Variants in FSTL5 observed in about 807,000 individuals in gnomAD.
The protein encoded by FSTL5 is follistatin like 5, also known as follistatin-related protein 5.
Under a neutral mutation model 89.1 loss-of-function variants are expected in FSTL5, and 62 were observed. That is an observed-to-expected ratio of 0.70 (90% CI 0.57 to 0.86). The LOEUF (loss-of-function observed/expected upper bound fraction) is 0.86, where lower values mean the gene tolerates loss of function less well. Among genes scored for constraint, FSTL5 ranks in the 40% least tolerant of loss-of-function variants. FSTL5 has a pLI of 0.00. For missense variants in FSTL5, 1,057 were observed against 1,001.6 expected, an observed-to-expected ratio of 1.06 and a Z score of -0.75; for synonymous variants, 383 against 346.2, an observed-to-expected ratio of 1.11 and a Z score of -1.18.
intron 3 of FSTL5, among the ~76,000 whole-genome samples, chr4:161,968,806 TGGTC>T (rs1735397041): frequency 6.6e-6 from 1 of 152,076 alleles, no homozygotes; most frequent in Non-Finnish European, 1.5e-5. Flanking sequence ...GAGCCAAATA[TGGTC>T]ACTTTAGCCT....
At chr4:161,649,208 A>G (rs951267236) in intron 7 of FSTL5, among the ~76,000 whole-genome samples, 1 of 152,176 alleles carries the variant, frequency 6.6e-6, no homozygotes, top group African/African-American at 2.4e-5. Flanking sequence ...ATAATTCAAG[A>G]TCTTGTAATT....
chr4:161,663,527 T>G (rs538263236), intron 6 of FSTL5, among the ~76,000 whole-genome samples: 1 of 152,256 alleles, frequency 6.6e-6, no homozygotes, highest in African/African-American at 2.4e-5. Context: ...CCAGGTTATC[T>G]GATGCAAGAA....
chr4:162,156,689 T>C (rs1258116925), intron 1 of FSTL5, among the ~76,000 whole-genome samples: 1 of 152,090 alleles, frequency 6.6e-6, no homozygotes, highest in Non-Finnish European at 1.5e-5. Context: ...GGGAGCTAAA[T>C]ATTGTATATA....
At chr4:162,115,270 G>C (rs1731591544) in intron 1 of FSTL5, among the ~76,000 whole-genome samples, 1 of 152,052 alleles carries the variant, frequency 6.6e-6, no homozygotes, top group Non-Finnish European at 1.5e-5. Context: ...TTAAAAAATG[G>C]CTCTTCTCAA....
rs2110854366 is a variant in FSTL5, at chr4:161,384,516, T to A, written c.*1231A>T. Reference sequence around the variant, plus strand: ...TTTTACTTTTCTACAGTGTCTCAAGTAGGAGGATTCGTTAGGTTTCAAACT... The same window carrying A: ...TTTTACTTTTCTACAGTGTCTCAAGAAGGAGGATTCGTTAGGTTTCAAACT... On this transcript the variant is annotated 3_prime_UTR_variant, in exon 16 of 16. Coordinates refer to ENST00000306100, the MANE Select transcript of FSTL5 (RefSeq NM_020116.5). 6.6e-6 allele frequency: 1 copy of A among 152,226 alleles called. No homozygotes were observed. The highest frequency in any genetic ancestry group is 1.5e-5 in the Non-Finnish European group (1 of 67,972). 9.4% of individuals were successfully genotyped at this position (152,226 alleles called of 1,614,324 possible).
chr4:161,610,026 C>T (rs901917519), intron 7 of FSTL5, among the ~76,000 whole-genome samples: 2 of 152,030 alleles, frequency 1.3e-5, no homozygotes, highest in Non-Finnish European at 2.9e-5. Flanking sequence ...GGAATAATCA[C>T]TTTATTCATT....
chr4:161,837,706 G>T (rs945506122), intron 4 of FSTL5, among the ~76,000 whole-genome samples: 1 of 151,988 alleles, frequency 6.6e-6, no homozygotes. Flanking sequence ...CCTAATATTT[G>T]ATATACTTAA....
At chr4:161,927,111 ATAGT>A (rs1346343906) in intron 3 of FSTL5, among the ~76,000 whole-genome samples, 7 of 151,788 alleles carry the variant, frequency 4.6e-5, no homozygotes, top group African/African-American at 1.7e-4. Context: ...TTTTTGCTAA[ATAGT>A]TAGCTGCCAC....
chr4:162,077,133 T>A (rs1729881697), intron 2 of FSTL5, among the ~76,000 whole-genome samples: 1 of 151,772 alleles, frequency 6.6e-6, no homozygotes, highest in African/African-American at 2.4e-5. Context: ...GGCTAAGAAG[T>A]CCAATATCAA....
At chr4:161,806,552 T>C (rs767007951) in intron 4 of FSTL5, among the ~76,000 whole-genome samples, 1 of 152,152 alleles carries the variant, frequency 6.6e-6, no homozygotes, top group Non-Finnish European at 1.5e-5. Context: ...AATAAGCAAG[T>C]CACTGTTGAC....
intron 3 of FSTL5, among the ~76,000 whole-genome samples, chr4:161,938,528 C>A (rs1450513699): frequency 6.6e-6 from 1 of 151,830 alleles, no homozygotes; most frequent in Non-Finnish European, 1.5e-5. Flanking sequence ...AAATATTACG[C>A]AAAAAATATG....
At chr4:162,065,704 T>G (rs1197234529) in intron 2 of FSTL5, among the ~76,000 whole-genome samples, 2 of 151,830 alleles carry the variant, frequency 1.3e-5, no homozygotes, top group Admixed American at 6.6e-5. Context: ...GCAACTCTAC[T>G]TCTCGGTACA....
At chr4:161,922,347 T>C (rs561436756) in intron 3 of FSTL5, among the ~76,000 whole-genome samples, 3 of 152,126 alleles carry the variant, frequency 2.0e-5, no homozygotes, top group East Asian at 3.9e-4. Flanking sequence ...GATGAAATAA[T>C]CTGTATAATA....
At chr4:161,748,167 G>A (rs868483531) in intron 6 of FSTL5, among the ~76,000 whole-genome samples, 1 of 152,012 alleles carries the variant, frequency 6.6e-6, no homozygotes, top group Non-Finnish European at 1.5e-5. Context: ...TTGTATAAAA[G>A]TATAAAGATG....
chr4:161,646,019 A>G (rs2126673088), intron 7 of FSTL5, among the ~76,000 whole-genome samples: 1 of 151,790 alleles, frequency 6.6e-6, no homozygotes, highest in East Asian at 1.9e-4. Context: ...AATACACTCT[A>G]TATTAAAAAA....
intron 12 of FSTL5, among the ~76,000 whole-genome samples, chr4:161,482,369 G>A (rs1392466983): frequency 6.6e-6 from 1 of 151,388 alleles, no homozygotes; most frequent in Admixed American, 6.6e-5. Context: ...ATAATGTAAT[G>A]ATAAACAATT....
At chr4:161,448,246 T>G (rs556178094) in intron 15 of FSTL5, among the ~76,000 whole-genome samples, 1 of 152,144 alleles carries the variant, frequency 6.6e-6, no homozygotes, top group South Asian at 2.1e-4. Context: ...TACAAAACAT[T>G]TTTTGAAACA....
At chr4:161,530,498 G>C (rs1226137472) in intron 10 of FSTL5, among the ~76,000 whole-genome samples, 1 of 150,522 alleles carries the variant, frequency 6.6e-6, no homozygotes, top group Non-Finnish European at 1.5e-5. Flanking sequence ...AATAAAGTAT[G>C]AACTATCAAA....
At chr4:161,860,715 T>G (rs1288003356) in intron 4 of FSTL5, among the ~76,000 whole-genome samples, 1 of 152,284 alleles carries the variant, frequency 6.6e-6, no homozygotes, top group Non-Finnish European at 1.5e-5. Flanking sequence ...AAGCCTTTAT[T>G]TTTTATAGAC....
Sources: gnomAD v4.1 joint callset for allele counts (sites outside exome capture counted in the v4.1 genomes callset) on GRCh38, gnomAD v4.1.1 for gene constraint, MANE v1.5 for transcripts, NCBI Gene and HGNC (gene_info 2026-07-23, HGNC 2026-07-21) for gene names.